The following PGPEP1L variants were observed in gnomAD, a reference collection of about 807,000 sequenced individuals.
The protein encoded by PGPEP1L is pyroglutamyl-peptidase 1-like protein.
PGPEP1L carries 7 observed loss-of-function variants against 6.0 expected under a neutral mutation model. The observed-to-expected ratio is 1.17, with a 90% CI of 0.66 to 2.19. The LOEUF is 2.19. PGPEP1L is among the 30% of genes most tolerant of loss of function. The pLI is 0.00. For synonymous variants in PGPEP1L, 103 were observed against 83.9 expected, an observed-to-expected ratio of 1.23 and a Z score of -1.24; for missense variants, 209 against 192.5, an observed-to-expected ratio of 1.09 and a Z score of -0.51.
chr15:98,985,309 CGGGA>C (rs2017732169), intron 2 of PGPEP1L, among the ~76,000 whole-genome samples: 1 of 152,096 alleles, frequency 6.6e-6, no homozygotes, highest in Admixed American at 6.5e-5. Flanking sequence ...GAGGCCAAGG[CGGGA>C]GGATCACCTG....
intron 2 of PGPEP1L, among the ~76,000 whole-genome samples, chr15:98,975,932 T>C (rs1018709533): frequency 1.3e-5 from 2 of 148,628 alleles, no homozygotes; most frequent in African/African-American, 5.2e-5. Flanking sequence ...AAGAAAAAAA[T>C]TGAAAAGAAA....
chr15:99,006,095 T>C (rs782690172), intron 1 of PGPEP1L, among the ~76,000 whole-genome samples: 5 of 152,314 alleles, frequency 3.3e-5, no homozygotes, highest in East Asian at 1.9e-4. Context: ...CTTTAAAATA[T>C]TGATTGCAAG....
At chr15:98,971,440 G>A (rs947194360) in intron 2 of PGPEP1L, among the ~76,000 whole-genome samples, 6 of 152,158 alleles carry the variant, frequency 3.9e-5, no homozygotes, top group East Asian at 3.9e-4. Flanking sequence ...GTTGCAGTGA[G>A]CCGAAATAGT....
intron 1 of PGPEP1L, among the ~76,000 whole-genome samples, chr15:99,006,922 G>A (rs1180849736): frequency 2.0e-5 from 3 of 152,246 alleles, no homozygotes; most frequent in South Asian, 4.1e-4. Flanking sequence ...CTCCCTTCAG[G>A]GAAGCAGGCA....
chr15:99,006,128 G>T (rs1567246379), intron 1 of PGPEP1L, among the ~76,000 whole-genome samples: 1 of 152,216 alleles, frequency 6.6e-6, no homozygotes, highest in South Asian at 2.1e-4. Flanking sequence ...GGAGCTGTGG[G>T]TCCTCAGGGA....
chr15:98,978,726 A>ATATATATATT (rs1446348988), intron 2 of PGPEP1L, among the ~76,000 whole-genome samples: 5 of 85,234 alleles, frequency 5.9e-5, no homozygotes, highest in African/African-American at 2.6e-4. Context: ...ATATATATAT[A>ATATATATATT]TTTTTTTTTT....
chr15:99,006,234 A>T (rs2018058398), intron 1 of PGPEP1L, among the ~76,000 whole-genome samples: 1 of 152,180 alleles, frequency 6.6e-6, no homozygotes, highest in Admixed American at 6.5e-5. Context: ...CACTGTCCCC[A>T]GCTTCATCAG....
intron 2 of PGPEP1L, among the ~76,000 whole-genome samples, chr15:98,980,389 A>T (rs1455409244): frequency 1.3e-5 from 2 of 152,214 alleles, no homozygotes; most frequent in African/African-American, 4.8e-5. Context: ...AAAGGAAACA[A>T]GCCATAGGCC....
chr15:98,984,419 T>C (rs1333297126), intron 2 of PGPEP1L, among the ~76,000 whole-genome samples: 1 of 152,180 alleles, frequency 6.6e-6, no homozygotes. Context: ...CATTCATGTA[T>C]CTAGTGAACA....
intron 2 of PGPEP1L, among the ~76,000 whole-genome samples, chr15:98,973,400 C>T (rs1462315899): frequency 6.6e-6 from 1 of 152,208 alleles, no homozygotes; most frequent in Non-Finnish European, 1.5e-5. Context: ...CCAACAGCTG[C>T]AGAATACACG....
chr15:98,994,202 G>A lies in PGPEP1L; in HGVS notation c.-142+11227C>T, dbSNP rs545581938. Among the ~76,000 whole-genome samples the A allele has an allele frequency of 3.3e-5, 5 of 152,088 alleles. No individual in the cohort carries two copies. In the East Asian group the frequency reaches 7.8e-4, roughly 24 times the overall value. On this transcript the variant is annotated intron_variant, in intron 2 of 4. Transcript: ENST00000535714. ...AATAGCTTGAACCTGGGATGTGGAG[G>A]TTGCAGTGAGCCAAGATCATGCCAC...
chr15:98,990,473 G>C (rs967197083), intron 2 of PGPEP1L, among the ~76,000 whole-genome samples: 1 of 152,164 alleles, frequency 6.6e-6, no homozygotes, highest in African/African-American at 2.4e-5. Context: ...GAAGTTCTTG[G>C]AGACCTACAA....
chr15:98,978,564 C>T (rs1567236275), intron 2 of PGPEP1L, among the ~76,000 whole-genome samples: 1 of 151,046 alleles, frequency 6.6e-6, no homozygotes, highest in Non-Finnish European at 1.5e-5. Flanking sequence ...GTTTTTTCCC[C>T]AAAAAAAACT....
chr15:98,970,345 C>T (rs1266679478), intron 3 of PGPEP1L, among the ~76,000 whole-genome samples: 1 of 152,128 alleles, frequency 6.6e-6, no homozygotes, highest in Non-Finnish European at 1.5e-5. Flanking sequence ...TGCCCGCCTC[C>T]TGCATCTTTT....
Position 99,007,398 on chromosome 15 carries a change from G to A in PGPEP1L, c.-409C>T, listed in dbSNP as rs370851802. On this transcript the variant is annotated 5_prime_UTR_variant, in exon 1 of 5. Transcript: ENST00000535714. ...GTGTGTCCAGAATCGGCGGATTCTT[G>A]GTCTCACTGACTTCAAGAACGAAGC... 15 of 152,492 alleles carry A rather than the reference G, an allele frequency of 9.8e-5. 1 individual carries two copies. Among genetic ancestry groups the A allele is most frequent in the South Asian group, 8.3e-4 (4 of 4,834 alleles). The allele number at this position is 152,492 out of a possible 1,614,324, so 9.4% of individuals were successfully genotyped here.
intron 2 of PGPEP1L, among the ~76,000 whole-genome samples, chr15:98,973,573 A>C (rs2017527957): frequency 6.6e-6 from 1 of 152,234 alleles, no homozygotes; most frequent in Non-Finnish European, 1.5e-5. Flanking sequence ...AAACTGCACA[A>C]ACTCATGAAA....
chr15:98,975,051 G>A (rs1249627204), intron 2 of PGPEP1L, among the ~76,000 whole-genome samples: 1 of 152,156 alleles, frequency 6.6e-6, no homozygotes, highest in Non-Finnish European at 1.5e-5. Context: ...ATAATAGCCA[G>A]GATATGAAAT....
chr15:99,005,058 G>A (rs1307807266), intron 2 of PGPEP1L, among the ~76,000 whole-genome samples: 1 of 151,974 alleles, frequency 6.6e-6, no homozygotes, highest in African/African-American at 2.4e-5. Flanking sequence ...CTTGCTATGA[G>A]CCTGCACCCC....
At chr15:98,994,792 A>C (rs1430252128) in intron 2 of PGPEP1L, among the ~76,000 whole-genome samples, 1 of 152,102 alleles carries the variant, frequency 6.6e-6, no homozygotes, top group African/African-American at 2.4e-5. Flanking sequence ...TTTTTATAAA[A>C]ATGTCTTTGC....
Sources: allele counts gnomAD v4.1 joint callset (sites outside exome capture counted in the v4.1 genomes callset), GRCh38; gene constraint gnomAD v4.1.1; transcripts MANE v1.5; gene names NCBI Gene and HGNC (gene_info 2026-07-23, HGNC 2026-07-21).